CTCFL: variants seen among roughly 807,000 people sequenced by gnomAD.
The protein encoded by CTCFL is transcriptional repressor CTCFL.
A neutral mutation model predicts 67.4 loss-of-function variants in CTCFL; 36 were observed. That is an observed-to-expected ratio of 0.53 (90% CI 0.41 to 0.71). The LOEUF is 0.71. Ranked by LOEUF, CTCFL falls within the 30% of genes least tolerant of loss-of-function variation. The pLI is 0.00. For missense variants in CTCFL, 786 were observed against 835.2 expected (o/e 0.94, Z 0.73); for synonymous variants, 324 against 302.3 (o/e 1.07, Z -0.75).
intron 8 of CTCFL, among the ~76,000 whole-genome samples, chr20:57,511,284 T>A (rs555223307): frequency 6.6e-6 from 1 of 152,104 alleles, no homozygotes; most frequent in Non-Finnish European, 1.5e-5. Flanking sequence ...AACAGTTCTG[T>A]CCATCTCGGC....
chr20:57,523,335 T>C, intron 2 of CTCFL, 57 bp from the exon 3 acceptor site: 2 of 1,493,470 alleles, frequency 1.3e-6, no homozygotes, highest in South Asian at 2.4e-5. Context: ...AATTAGACTT[T>C]TGCCTGGATG....
rs185084199 is a variant in CTCFL, at chr20:57,500,346, G to A, written c.1841-1645C>T. ...GGCGGGCATCTGTAATCCCAGCTCC[G>A]GAGACTGAGGCATGAGAATCACTTG... On this transcript the variant is annotated intron_variant, in intron 10 of 10. Transcript: ENST00000243914. 9.3e-4 allele frequency: 324 copies of A among 349,942 alleles called. 1 individual carries two copies. The highest frequency in any genetic ancestry group is 6.2e-3 in the African/African-American group (279 of 44,806). 21.7% of individuals were successfully genotyped at this position (349,942 alleles called of 1,614,324 possible). A position where few individuals can be genotyped will look rare whatever the true frequency, so the allele number is the denominator to read the frequency against.
Position 57,500,309 on chromosome 20 carries a change from G to A in CTCFL, c.1841-1608C>T, listed in dbSNP as rs1314993638. The A allele has an allele frequency of 1.3e-5, 8 of 624,330 alleles. No homozygotes were observed. The East Asian group carries it at 7.4e-4, about 58-fold the overall frequency. 38.7% of individuals were successfully genotyped at this position (624,330 alleles called of 1,614,324 possible). On this transcript the variant is annotated intron_variant, in intron 10 of 10. Coordinates refer to ENST00000243914, the MANE Select transcript of CTCFL (RefSeq NM_001386993.1). Reference sequence around the variant, plus strand: ...TCTACTAAAAATAATAGAACAATTAGCCAGGCGTGGTGGCGGGCATCTGTA... The same window carrying A: ...TCTACTAAAAATAATAGAACAATTAACCAGGCGTGGTGGCGGGCATCTGTA...
Position 57,519,299 on chromosome 20 carries a change from G to A in CTCFL, c.833C>T (p.Thr278Ile), listed in dbSNP as rs957168849. The change falls in exon 4 of 11, where the codon ACT (threonine) becomes ATT (isoleucine). Residue 278 changes from threonine (T) to isoleucine (I), a missense_variant. Physicochemically the swap from Thr to Ile is moderately conservative, Grantham distance 89. This residue lies in a region of CTCFL where 254 missense variants were observed against 333.9 expected (regional missense o/e 0.76). Transcript: ENST00000243914. The stretch of plus-strand genomic sequence containing the variant: ...CAGGTGAGGCTTCTCACTGGTGTGA[G>A]TTTTCATATGACGATTAAAACTTGA... ...RMSSFNRHMK[T>I]HTSEKPHLCH... is the part of the protein sequence containing the mutation. 4.3e-6 allele frequency: 7 copies of A among 1,614,126 alleles called. No homozygotes were observed. The highest frequency in any genetic ancestry group is 1.3e-5 in the African/African-American group (1 of 75,040).
At chr20:57,500,872 A>C (rs577295176) in intron 10 of CTCFL, among the ~76,000 whole-genome samples, 1 of 152,188 alleles carries the variant, frequency 6.6e-6, no homozygotes, top group African/African-American at 2.4e-5. Flanking sequence ...AACAAAAACA[A>C]AACAAAACCA....
At chr20:57,522,495 C>T (rs1225286085) in intron 3 of CTCFL, among the ~76,000 whole-genome samples, 6 of 152,244 alleles carry the variant, frequency 3.9e-5, no homozygotes, top group African/African-American at 1.4e-4. Flanking sequence ...CTAATCTGGA[C>T]CCATCCACCT....
rs751270386 is a variant in CTCFL at position 57,523,247 on chromosome 20, A to T, written c.575T>A (p.Leu192Ter). The T allele has an allele frequency of 6.2e-7, 1 of 1,613,974 alleles. No homozygotes were observed. Reference protein sequence around the residue: ...LEEEQEKNQLLAERTKEQLFF... With the variant: ...LEEEQEKNQL ...GAGCTGCTCCTTTGTTCTTTCAGCC[A>T]ATAACTGGTTCTTCTCCTGCTCTTC... Residue 192 changes from leucine to a stop codon, truncating the protein, a stop_gained, in exon 3 of 11, where the codon TTG becomes TAG. Transcript: ENST00000243914. LOFTEE classifies it high-confidence loss of function.
chr20:57,500,367 A>G (rs1211049698), intron 10 of CTCFL: 1 of 285,444 alleles, frequency 3.5e-6, no homozygotes, highest in Non-Finnish European at 6.9e-6. Context: ...CATGAGAATC[A>G]CTTGAACCCA....
intron 6 of CTCFL, 197 bp from the exon 7 acceptor site, chr20:57,514,938 C>G (rs1024038087): frequency 1.7e-6 from 1 of 586,750 alleles, no homozygotes. Context: ...CCATGATGGA[C>G]CAGAGACATG....
At position 57,514,576 on chromosome 20, in the gene CTCFL, T is replaced by C. The variant is rs2068778975; in HGVS notation, c.1330+16A>G. ...AGCAAATGCTGTAGTAAAAGAAAGA[T>C]CGCTAAACCACTCACGTAGGTCGCT... On this transcript the variant is annotated intron_variant, in intron 7 of 10. Transcript: ENST00000243914. The C allele has an allele frequency of 6.2e-7, 1 of 1,613,496 alleles. No individual in the cohort carries two copies. Among genetic ancestry groups the C allele is most frequent in the South Asian group, 1.1e-5 (1 of 90,988 alleles).
At chr20:57,525,512 G>A (rs1160155756), upstream of CTCFL, 5 of 133,008 alleles carry the variant, frequency 3.8e-5, no homozygotes, top group African/African-American at 5.8e-5. Flanking sequence ...GGAGGGCCCC[G>A]CAGGGGGCGC....
At chr20:57,504,284 CT>C (rs1280310031) in intron 9 of CTCFL, among the ~76,000 whole-genome samples, 424 of 141,042 alleles carry the variant, frequency 3.0e-3, no homozygotes, top group African/African-American at 5.7e-3. Flanking sequence ...CCCCCGTCTC[CT>C]TTTTTTTTTT....
At chr20:57,507,194 C>CTTTT in intron 9 of CTCFL, 10 of 212,494 alleles carry the variant, frequency 4.7e-5, no homozygotes, top group South Asian at 1.4e-4. Flanking sequence ...GAATGTGCCA[C>CTTTT]TTTTTTTTTT....
chr20:57,508,551 C>G (rs1459829401), intron 9 of CTCFL, 55 bp downstream of exon 9: 48 of 1,552,244 alleles, frequency 3.1e-5, no homozygotes, highest in Non-Finnish European at 4.0e-5. Flanking sequence ...ACACTGTCCT[C>G]CTGAGATAGA....
intron 9 of CTCFL, among the ~76,000 whole-genome samples, chr20:57,506,358 T>C (rs2068209596): frequency 6.6e-6 from 1 of 152,212 alleles, no homozygotes; most frequent in Non-Finnish European, 1.5e-5. Context: ...GGCTGGACTG[T>C]AGTGGCACAG....
At position 57,503,569 on chromosome 20, in the gene CTCFL, T is replaced by A. The variant is rs1009077334; in HGVS notation, c.1707A>T (p.Gly569=). The A allele has an allele frequency of 1.2e-6, 2 of 1,614,120 alleles. No individual in the cohort carries two copies. The highest frequency in any genetic ancestry group is 1.7e-6 in the Non-Finnish European group (2 of 1,180,012). ...AAGCAGCCGACTTTGCTTCCCCTGATCCACACTTCTCCGAATGTCTGTGCA... is the reference window on the plus strand; with the variant it reads ...AAGCAGCCGACTTTGCTTCCCCTGAACCACACTTCTCCGAATGTCTGTGCA... The part of the protein sequence containing the change: ...INLHRHSEKC[G]SGEAKSAASG... The change falls in exon 10 of 11, where the codon GGA becomes GGT. Residue 569 remains glycine, a synonymous_variant. Coordinates refer to ENST00000243914, the MANE Select transcript of CTCFL (RefSeq NM_001386993.1).
At chr20:57,524,449 A>C (rs1277165001) in intron 1 of CTCFL, 14 of 1,339,680 alleles carry the variant, frequency 1.0e-5, no homozygotes, top group South Asian at 1.7e-5. Context: ...CCTAGAACGA[A>C]CAGGTTTGGG....
chr20:57,502,504 G>A (rs2067971177), intron 10 of CTCFL, among the ~76,000 whole-genome samples: 1 of 152,150 alleles, frequency 6.6e-6, no homozygotes, highest in African/African-American at 2.4e-5. Flanking sequence ...GTCATCTGTG[G>A]GAACATTCGC....
intron 3 of CTCFL, among the ~76,000 whole-genome samples, chr20:57,522,657 A>C (rs2069469187): frequency 6.6e-6 from 1 of 152,030 alleles, no homozygotes; most frequent in African/African-American, 2.4e-5. Flanking sequence ...GACTCACCTA[A>C]ATATCACCTC....
Sources: gnomAD v4.1 joint callset for allele counts (sites outside exome capture counted in the v4.1 genomes callset) on GRCh38, gnomAD v4.1.1 for gene constraint, gnomAD v4.1.1 regional missense constraint, MANE v1.5 for transcripts, NCBI Gene and HGNC (gene_info 2026-07-23, HGNC 2026-07-21) for gene names.